Variants in LGR5 observed in about 807,000 individuals in gnomAD.
The protein encoded by LGR5 is leucine rich repeat containing G protein-coupled receptor 5.
In LGR5, 54 loss-of-function variants were observed where a neutral mutation model predicts 76.7. The ratio of observed to expected loss-of-function variants is 0.70; its 90% confidence interval spans 0.57 to 0.88. The LOEUF (loss-of-function observed/expected upper bound fraction) is 0.88, where lower values mean the gene tolerates loss of function less well. Ranked by LOEUF, LGR5 falls within the 40% of genes least tolerant of loss-of-function variation. LGR5 has a pLI of 0.00. For synonymous variants in LGR5, 406 were observed against 421.9 expected, an observed-to-expected ratio of 0.96 and a Z score of 0.46; for missense variants, 1,078 against 1,073.3, an observed-to-expected ratio of 1.00 and a Z score of -0.06.
Position 71,439,944 on chromosome 12 carries a change from G to A in LGR5, c.-137G>A. 1.3e-6 allele frequency: 1 copy of A among 749,880 alleles called. No individual in the cohort carries two copies. The highest frequency in any genetic ancestry group is 3.0e-5 in the East Asian group (1 of 32,836). The allele number at this position is 749,880 out of a possible 1,614,324, so 46.5% of individuals were successfully genotyped here. A position where few individuals can be genotyped will look rare whatever the true frequency, so the allele number is the denominator to read the frequency against. ...CCTCGCCGCCCACGCCGTGGGGTCA[G>A]GAACGCGGCGTCTGGCGCTGCAGAC... On this transcript the variant is annotated 5_prime_UTR_variant, in exon 1 of 18. Coordinates refer to ENST00000266674, the MANE Select transcript of LGR5 (RefSeq NM_003667.4).
chr12:71,532,283 A>T (rs2137360700), intron 3 of LGR5, among the ~76,000 whole-genome samples: 1 of 152,334 alleles, frequency 6.6e-6, no homozygotes, highest in East Asian at 1.9e-4. Context: ...AATAACACAG[A>T]AATCCAAACT....
intron 2 of LGR5, among the ~76,000 whole-genome samples, chr12:71,519,600 A>G (rs1592508643): frequency 6.6e-6 from 1 of 151,820 alleles, no homozygotes; most frequent in African/African-American, 2.4e-5. Flanking sequence ...GGAATTTGAG[A>G]CCAGCCTGGA....
At chr12:71,450,142 G>C (rs1295020430) in intron 1 of LGR5, among the ~76,000 whole-genome samples, 4 of 152,114 alleles carry the variant, frequency 2.6e-5, no homozygotes, top group Non-Finnish European at 5.9e-5. Flanking sequence ...GACAGAATTG[G>C]ACTCCAGATC....
At chr12:71,451,189 TC>T (rs1872236687) in intron 1 of LGR5, among the ~76,000 whole-genome samples, 1 of 152,130 alleles carries the variant, frequency 6.6e-6, no homozygotes. Context: ...GGGGTGCAGA[TC>T]AGATGGGTTG....
chr12:71,467,400 G>A (rs74101839), intron 1 of LGR5, among the ~76,000 whole-genome samples: 3,465 of 152,222 alleles, frequency 0.023, 121 homozygotes, highest in African/African-American at 0.079. Context: ...TGAAGAACTG[G>A]GGACATAATA....
intron 1 of LGR5, among the ~76,000 whole-genome samples, chr12:71,456,421 C>T (rs1019424837): frequency 6.6e-6 from 1 of 152,152 alleles, no homozygotes; most frequent in African/African-American, 2.4e-5. Context: ...TCCTAATTAA[C>T]ACCTTCAGTC....
chr12:71,463,389 A>G (rs1187462553), intron 1 of LGR5, among the ~76,000 whole-genome samples: 1 of 152,214 alleles, frequency 6.6e-6, no homozygotes, highest in Non-Finnish European at 1.5e-5. Context: ...AGGCTTTAGC[A>G]TTAGAAACAT....
chr12:71,585,011 G>C lies in LGR5; in HGVS notation c.*277G>C. 2.9e-6 allele frequency: 1 copy of C among 343,238 alleles called. No individual in the cohort carries two copies. Among genetic ancestry groups the C allele is most frequent in the Non-Finnish European group, 5.3e-6 (1 of 189,910 alleles). 21.3% of individuals were successfully genotyped at this position (343,238 alleles called of 1,614,324 possible). A position where few individuals can be genotyped will look rare whatever the true frequency, so the allele number is the denominator to read the frequency against. On this transcript the variant is annotated 3_prime_UTR_variant, in exon 18 of 18. Coordinates refer to ENST00000266674, the MANE Select transcript of LGR5 (RefSeq NM_003667.4). ...AAAAAGCAGATTGAAATTTTCTTTA[G>C]AAAAGATTCTCCATGATTTGAATTG...
intron 13 of LGR5, among the ~76,000 whole-genome samples, chr12:71,573,201 C>A (rs574456802): frequency 9.9e-5 from 15 of 152,280 alleles, no homozygotes; most frequent in African/African-American, 3.4e-4. Flanking sequence ...CTGTCCACAA[C>A]CTGGAATCGA....
chr12:71,535,615 A>G (rs567793916), intron 4 of LGR5, among the ~76,000 whole-genome samples: 35 of 152,282 alleles, frequency 2.3e-4, no homozygotes, highest in African/African-American at 8.2e-4. Flanking sequence ...TTCGAGTCAA[A>G]TAAAGGCTTA....
At chr12:71,453,526 T>C (rs1872336124) in intron 1 of LGR5, among the ~76,000 whole-genome samples, 1 of 151,596 alleles carries the variant, frequency 6.6e-6, no homozygotes, top group Non-Finnish European at 1.5e-5. Context: ...GAAAGAAAAA[T>C]TCAGGTTGAT....
chr12:71,514,799 A>T (rs1041580049), intron 2 of LGR5, among the ~76,000 whole-genome samples: 1 of 152,234 alleles, frequency 6.6e-6, no homozygotes, highest in East Asian at 1.9e-4. Context: ...TGGATTTGAC[A>T]AATTGGATAT....
At chr12:71,439,538 G>C (rs914751801), upstream of LGR5, among the ~76,000 whole-genome samples, 8 of 152,102 alleles carry the variant, frequency 5.3e-5, no homozygotes, top group African/African-American at 1.9e-4. Flanking sequence ...GGGTGGGGGG[G>C]TCCCCTATTC....
At chr12:71,551,114 G>A (rs781646865) in intron 4 of LGR5, among the ~76,000 whole-genome samples, 3 of 152,170 alleles carry the variant, frequency 2.0e-5, no homozygotes, top group Admixed American at 6.5e-5. Flanking sequence ...AAATTTAATC[G>A]TAAATGGGGT....
chr12:71,469,109 A>G (rs1872981748), intron 1 of LGR5, among the ~76,000 whole-genome samples: 1 of 152,318 alleles, frequency 6.6e-6, no homozygotes, highest in African/African-American at 2.4e-5. Flanking sequence ...TTCCAGAATG[A>G]CTATGGGCAC....
intron 3 of LGR5, among the ~76,000 whole-genome samples, chr12:71,529,425 C>T (rs1277879390): frequency 6.6e-6 from 1 of 152,184 alleles, no homozygotes. Context: ...ATCATGAGAA[C>T]AGCATGGCAG....
chr12:71,553,341 ACCTTGG>A (rs1210701537), intron 5 of LGR5, 53 bp downstream of exon 5: 5 of 1,482,300 alleles, frequency 3.4e-6, no homozygotes, highest in Non-Finnish European at 4.7e-6. Flanking sequence ...TCACTGGAAG[ACCTTGG>A]CCTTAAAATG....
intron 6 of LGR5, 115 bp from the exon 7 acceptor site, chr12:71,559,471 G>C: frequency 1.2e-5 from 7 of 596,452 alleles, no homozygotes. Flanking sequence ...GAAAAGCAGT[G>C]AGAACTTCCA....
At chr12:71,516,890 T>A (rs1203765307) in intron 2 of LGR5, among the ~76,000 whole-genome samples, 1 of 152,162 alleles carries the variant, frequency 6.6e-6, no homozygotes, top group Non-Finnish European at 1.5e-5. Flanking sequence ...AAAAACTTTT[T>A]AAAATATTTT....
Sources: gnomAD v4.1 joint callset for allele counts (sites outside exome capture counted in the v4.1 genomes callset) on GRCh38, gnomAD v4.1.1 for gene constraint, MANE v1.5 for transcripts, NCBI Gene and HGNC (gene_info 2026-07-23, HGNC 2026-07-21) for gene names.